Variants in NFKBIZ observed in about 807,000 individuals in gnomAD.
NFKBIZ encodes NFKB inhibitor zeta, also known as NF-kappa-B inhibitor zeta.
Under a neutral mutation model 76.8 loss-of-function variants are expected in NFKBIZ, and 19 were observed. The observed-to-expected ratio is 0.25, with a 90% confidence interval of 0.17 to 0.36. The LOEUF is 0.36. Among genes scored for constraint, NFKBIZ ranks in the 10% least tolerant of loss-of-function variants. The pLI is 1.00. For missense variants in NFKBIZ, 829 were observed against 910.9 expected (o/e 0.91, Z 1.16); for synonymous variants, 368 against 354.8 (o/e 1.04, Z -0.42).
At chr3:101,850,547 A>G (rs1352774470) in intron 1 of NFKBIZ, 1 of 152,188 alleles carries the variant, frequency 6.6e-6, no homozygotes, top group Non-Finnish European at 1.5e-5. Flanking sequence ...TGGATAAGCC[A>G]TATCTAGCAG....
rs773496693 is a variant in NFKBIZ at position 101,855,776 on chromosome 3, G to T, written c.1698G>T (p.Val566=). The change falls in exon 9 of 12, where the codon GTG becomes GTT. Residue 566 remains valine (V), a synonymous_variant. Transcript: ENST00000326172. ...GTGCAGTCATAGCCCACAATGCTGT[G>T]GTCCATGAACTCCAGAGAAATCAAC... The part of the protein sequence containing the change: ...LHCAVIAHNA[V]VHELQRNQQP... The T allele has an allele frequency of 6.8e-6, 11 of 1,613,342 alleles. No homozygotes were observed. In the Admixed American group the frequency reaches 1.8e-4, roughly 27 times the overall value.
chr3:101,831,853 T>A (rs1942652375), intron 2 of NFKBIZ, among the ~76,000 whole-genome samples: 1 of 152,132 alleles, frequency 6.6e-6, no homozygotes, highest in South Asian at 2.1e-4. Context: ...TTTGCCAGGC[T>A]AGTCTTGAAC....
At chr3:101,854,500 G>GTTTTTT in intron 5 of NFKBIZ, 78 bp from the exon 6 acceptor site, 1 of 824,694 alleles carries the variant, frequency 1.2e-6, no homozygotes, top group African/African-American at 1.8e-5. Context: ...GCTAAAGGAA[G>GTTTTTT]ATTTTTTTTT....
At chr3:101,858,663 A>G (rs903756082) in intron 11 of NFKBIZ, among the ~76,000 whole-genome samples, 2 of 152,118 alleles carry the variant, frequency 1.3e-5, no homozygotes, top group African/African-American at 4.8e-5. Flanking sequence ...TCTAGCAGCT[A>G]TCAGTTGTAT....
chr3:101,854,572 C>A lies in NFKBIZ; in HGVS notation c.1338-6C>A. On this transcript the variant is annotated splice_polypyrimidine_tract_variant and splice_region_variant and intron_variant, in intron 5 of 11. Transcript: ENST00000326172. ...ATTCACCCGCTTTCCTTTCCATGTT[C>A]CCCAGGTTCCTTCATATTGCTGTTG... 6.3e-7 allele frequency: 1 copy of A among 1,586,244 alleles called. No individual in the cohort carries two copies. Among genetic ancestry groups the A allele is most frequent in the Non-Finnish European group, 8.6e-7 (1 of 1,157,508 alleles).
intron 1 of NFKBIZ, chr3:101,850,545 C>T (rs1942938771): frequency 6.6e-6 from 1 of 152,076 alleles, no homozygotes; most frequent in Admixed American, 6.6e-5. Flanking sequence ...AATGGATAAG[C>T]CATATCTAGC....
Position 101,859,492 on chromosome 3 carries a change from A to T in NFKBIZ, c.*121A>T. On this transcript the variant is annotated 3_prime_UTR_variant, in exon 12 of 12. Transcript: ENST00000326172. ...TAAGTTGTTTCTATGAAACAAACAT[A>T]TTTAGTTCACTATTATATAGTGGGT... The T allele has an allele frequency of 5.5e-6, 4 of 724,732 alleles. No homozygotes were observed. The allele number at this position is 724,732 out of a possible 1,614,324, so 44.9% of individuals were successfully genotyped here.
chr3:101,847,697 A>G (rs1942872136), upstream of NFKBIZ, among the ~76,000 whole-genome samples: 1 of 152,204 alleles, frequency 6.6e-6, no homozygotes, highest in Non-Finnish European at 1.5e-5. Context: ...AAGAAACAGT[A>G]AAAATATGGT....
upstream of NFKBIZ, among the ~76,000 whole-genome samples, chr3:101,845,947 A>G (rs1942844159): frequency 6.6e-6 from 1 of 152,240 alleles, no homozygotes; most frequent in African/African-American, 2.4e-5. Flanking sequence ...ATGAGGCTTC[A>G]GAGTCAGTTA....
At position 101,853,813 on chromosome 3, in the gene NFKBIZ, G is replaced by A. The variant is rs565039649; in HGVS notation, c.1287G>A (p.Leu429=). The A allele has an allele frequency of 2.5e-6, 4 of 1,613,556 alleles. No individual in the cohort carries two copies. The African/African-American group carries it at 4.0e-5, about 16-fold the overall frequency. ...QWQVEQEESK[L]ANISQDQFLS... is the part of the protein sequence containing the mutation. ...AGGTGGAGCAGGAAGAAAGCAAATT[G>A]GCAAATATTTCCCAAGACCAGTTTC... Residue 429 remains leucine, a synonymous_variant, in exon 5 of 12, where the codon TTG becomes TTA. Coordinates refer to ENST00000326172, the MANE Select transcript of NFKBIZ (RefSeq NM_031419.4).
chr3:101,850,035 C>T, intron 1 of NFKBIZ, 118 bp downstream of exon 1: 1 of 1,007,836 alleles, frequency 9.9e-7, no homozygotes, highest in East Asian at 3.3e-5. Flanking sequence ...GACGTACGCA[C>T]CTTAGCCATC....
In NFKBIZ at chr3:101,857,203, G is replaced by A. The variant is rs767869604; in HGVS notation, c.1935+20G>A. 3 of 171,774 alleles carry A rather than the reference G, an allele frequency of 1.7e-5. No homozygotes were observed. Among genetic ancestry groups the A allele is most frequent in the South Asian group, 9.3e-5 (1 of 10,760 alleles). 10.6% of individuals were successfully genotyped at this position (171,774 alleles called of 1,614,324 possible). On this transcript the variant is annotated intron_variant, in intron 10 of 11. Coordinates refer to ENST00000326172, the MANE Select transcript of NFKBIZ (RefSeq NM_031419.4). ...GCAAAGGTACACCAGAGTTGGAATG[G>A]CCTTCTGTACACCCTCTCAAAGTTT...
In NFKBIZ at chr3:101,849,787, G is replaced by C; in HGVS notation, c.159G>C (p.Ser53=). 6.9e-7 allele frequency: 1 copy of C among 1,445,374 alleles called. No homozygotes were observed. The highest frequency in any genetic ancestry group is 1.4e-5 in the South Asian group (1 of 73,986). The allele number at this position is 1,445,374 out of a possible 1,614,324, so 89.5% of individuals were successfully genotyped here. A position where few individuals can be genotyped will look rare whatever the true frequency, so the allele number is the denominator to read the frequency against. ...CGGGCGCCTGCGACGCCAGCTGCTC[G>C]GTCTTGGGCCCCTCGGCGCCCGGCT... ...AAPGACDASC[S]VLGPSAPGSP... Residue 53 remains serine (S), a synonymous_variant, in exon 1 of 12, where the codon TCG becomes TCC. Coordinates refer to ENST00000326172, the MANE Select transcript of NFKBIZ (RefSeq NM_031419.4).
chr3:101,838,848 G>C (rs1163809320), intron 2 of NFKBIZ, among the ~76,000 whole-genome samples: 2 of 152,118 alleles, frequency 1.3e-5, no homozygotes, highest in African/African-American at 4.8e-5. Flanking sequence ...TATTTTGTCT[G>C]TTAGTATGCA....
chr3:101,842,592 C>CTTTTTTTTTTTTTTTTTTTTTTTCTTTTT (rs573749526), intron 2 of NFKBIZ, among the ~76,000 whole-genome samples: 1 of 130,354 alleles, frequency 7.7e-6, no homozygotes, highest in Non-Finnish European at 1.7e-5. Flanking sequence ...CTTTTCTTTT[C>CTTTTTTTTTTTTTTTTTTTTTTTCTTTTT]TTTTTTTTTT....
At chr3:101,829,952 TAGC>T (rs2107390451) in intron 2 of NFKBIZ, among the ~76,000 whole-genome samples, 1 of 152,214 alleles carries the variant, frequency 6.6e-6, no homozygotes, top group East Asian at 1.9e-4. Flanking sequence ...CTATTTTCCA[TAGC>T]AAGAGGACAT....
intron 1 of NFKBIZ, chr3:101,850,378 T>G (rs1442769949): frequency 6.5e-6 from 1 of 153,706 alleles, no homozygotes; most frequent in Non-Finnish European, 1.4e-5. Flanking sequence ...ATGGAATTTT[T>G]CAGTAAAAAG....
In NFKBIZ at chr3:101,857,464, G is replaced by C. The variant is rs1943066736; in HGVS notation, c.2103+5G>C. ...GATGGCCCTGTGGGAGAACAGGTGA[G>C]AGGCACAGGAGGGAGAGGAAGTATT... On this transcript the variant is annotated splice_donor_5th_base_variant and intron_variant, in intron 11 of 11. Transcript: ENST00000326172. 6.2e-7 allele frequency: 1 copy of C among 1,613,820 alleles called. No homozygotes were observed. Among genetic ancestry groups the C allele is most frequent in the East Asian group, 2.2e-5 (1 of 44,880 alleles).
intron 6 of NFKBIZ, 142 bp from the exon 7 acceptor site, chr3:101,854,920 T>G: frequency 1.0e-6 from 1 of 978,574 alleles, no homozygotes; most frequent in South Asian, 1.8e-5. Context: ...TTTAGTTTCC[T>G]TGTCTTACAG....
Sources: gnomAD v4.1 joint callset for allele counts (sites outside exome capture counted in the v4.1 genomes callset) on GRCh38, gnomAD v4.1.1 for gene constraint, MANE v1.5 for transcripts, NCBI Gene and HGNC (gene_info 2026-07-23, HGNC 2026-07-21) for gene names.